BBOX1: variants seen among roughly 807,000 people sequenced by gnomAD.
The protein encoded by BBOX1 is gamma-butyrobetaine hydroxylase 1.
BBOX1 carries 35 observed loss-of-function variants against 41.6 expected under a neutral mutation model. The ratio of observed to expected loss-of-function variants is 0.84; its 90% confidence interval spans 0.64 to 1.11. The LOEUF is 1.11. Ranked by LOEUF, BBOX1 falls within the 50% of genes most tolerant of loss-of-function variation. The pLI is 0.00. For missense variants in BBOX1, 458 were observed against 460.6 expected, an observed-to-expected ratio of 0.99 and a Z score of 0.05; for synonymous variants, 163 against 154.7, an observed-to-expected ratio of 1.05 and a Z score of -0.40.
intron 2 of BBOX1, among the ~76,000 whole-genome samples, chr11:27,054,205 CTGTGTGTG>C (rs57324926): frequency 2.9e-5 from 4 of 139,488 alleles, no homozygotes; most frequent in South Asian, 2.6e-4. Context: ...GTGTGTGTGT[CTGTGTGTG>C]TGTGTGTGTG....
At chr11:27,101,564 C>T (rs1003032624) in intron 5 of BBOX1, among the ~76,000 whole-genome samples, 2 of 152,014 alleles carry the variant, frequency 1.3e-5, no homozygotes, top group African/African-American at 2.4e-5. Context: ...TCCTTTGGAG[C>T]AAATTGCTAT....
intron 4 of BBOX1, among the ~76,000 whole-genome samples, chr11:27,074,024 G>A (rs1002971878): frequency 1.3e-5 from 2 of 151,980 alleles, no homozygotes; most frequent in Admixed American, 6.6e-5. Context: ...TAACAAACCT[G>A]CATGTTGTGC....
chr11:27,044,958 C>A (rs1035462602), intron 2 of BBOX1, among the ~76,000 whole-genome samples: 1 of 152,138 alleles, frequency 6.6e-6, no homozygotes, highest in Non-Finnish European at 1.5e-5. Flanking sequence ...TTTTCCAATT[C>A]TGTGAAGAAA....
Position 27,057,280 on chromosome 11 carries a change from C to A in BBOX1, c.299C>A (p.Ala100Asp). 1 of 1,611,598 alleles carries A rather than the reference C, an allele frequency of 6.2e-7. No homozygotes were observed. Among genetic ancestry groups the A allele is most frequent in the Non-Finnish European group, 8.5e-7 (1 of 1,179,286 alleles). Residue 100 changes from alanine (A) to aspartate (D), a missense_variant, in exon 4 of 9, where the codon GCC (alanine) becomes GAC (aspartate). Coordinates refer to ENST00000263182, the MANE Select transcript of BBOX1 (RefSeq NM_003986.3). ...WLKKRCFSKQ[A>D]RAKLQRELFF... ...AAGAAAAGATGCTTTTCCAAGCAGGCCAGAGCAAAGCTCCAAAGAGAATTG... is the reference window on the plus strand; with the variant it reads ...AAGAAAAGATGCTTTTCCAAGCAGGACAGAGCAAAGCTCCAAAGAGAATTG...
intron 2 of BBOX1, among the ~76,000 whole-genome samples, chr11:27,044,171 G>T (rs986644437): frequency 2.0e-5 from 3 of 152,154 alleles, no homozygotes; most frequent in Non-Finnish European, 4.4e-5. Context: ...TTGTGGTTTT[G>T]ATTTGCATTT....
intron 2 of BBOX1, among the ~76,000 whole-genome samples, chr11:27,050,553 T>C (rs912057819): frequency 6.6e-6 from 1 of 152,124 alleles, no homozygotes; most frequent in African/African-American, 2.4e-5. Flanking sequence ...TTTCAGTGTA[T>C]AGATCTTTTA....
intron 4 of BBOX1, 74 bp from the exon 5 acceptor site, chr11:27,093,094 C>G: frequency 7.3e-7 from 1 of 1,376,036 alleles, no homozygotes. Flanking sequence ...ATGAACTAGC[C>G]CCTTCTCTGA....
chr11:27,045,004 A>C (rs1433087490), intron 2 of BBOX1, among the ~76,000 whole-genome samples: 2 of 152,182 alleles, frequency 1.3e-5, no homozygotes, highest in Non-Finnish European at 2.9e-5. Context: ...CATTGAATCT[A>C]TAAATTACCT....
chr11:27,045,337 A>C (rs2133941473), intron 2 of BBOX1, among the ~76,000 whole-genome samples: 1 of 152,248 alleles, frequency 6.6e-6, no homozygotes, highest in South Asian at 2.1e-4. Flanking sequence ...GGCTGAGAAG[A>C]TGGGGTTTTC....
intron 5 of BBOX1, among the ~76,000 whole-genome samples, chr11:27,096,092 T>C (rs997109013): frequency 3.3e-5 from 5 of 152,014 alleles, no homozygotes; most frequent in African/African-American, 1.2e-4. Flanking sequence ...TGAGAACCTC[T>C]GGCTGAAAGG....
intron 5 of BBOX1, among the ~76,000 whole-genome samples, chr11:27,098,260 C>T (rs895109135): frequency 2.6e-5 from 4 of 151,958 alleles, no homozygotes; most frequent in Admixed American, 6.6e-5. Context: ...TCCTCTGCAG[C>T]GCTACAGTAG....
At chr11:27,104,641 T>C (rs562024225) in intron 5 of BBOX1, among the ~76,000 whole-genome samples, 20 of 152,138 alleles carry the variant, frequency 1.3e-4, no homozygotes, top group Non-Finnish European at 2.6e-4. Flanking sequence ...TAGTTTGTGT[T>C]TGGGGTACTA....
intron 6 of BBOX1, among the ~76,000 whole-genome samples, chr11:27,117,506 T>A (rs1340181538): frequency 2.0e-5 from 3 of 151,972 alleles, no homozygotes; most frequent in Non-Finnish European, 4.4e-5. Context: ...TGGCTCAGAT[T>A]TTTCTAAAAC....
intron 7 of BBOX1, among the ~76,000 whole-genome samples, chr11:27,121,124 GCAAA>G (rs1378345689): frequency 6.6e-6 from 1 of 152,104 alleles, no homozygotes; most frequent in Non-Finnish European, 1.5e-5. Flanking sequence ...TGAGATTTGA[GCAAA>G]CACTTAAACG....
At chr11:27,110,473 T>C (rs973073591) in intron 5 of BBOX1, among the ~76,000 whole-genome samples, 14 of 151,954 alleles carry the variant, frequency 9.2e-5, no homozygotes, top group African/African-American at 2.9e-4. Context: ...GTCCCAACCA[T>C]GCTGACCTTG....
At chr11:27,116,666 G>A (rs143878577) in intron 6 of BBOX1, among the ~76,000 whole-genome samples, 464 of 151,906 alleles carry the variant, frequency 3.1e-3, no homozygotes, top group African/African-American at 0.01. Flanking sequence ...TGCTCCACTC[G>A]GTCTATTCAC....
intron 4 of BBOX1, among the ~76,000 whole-genome samples, chr11:27,076,024 G>C (rs773013210): frequency 6.6e-6 from 1 of 152,200 alleles, no homozygotes; most frequent in Non-Finnish European, 1.5e-5. Context: ...GGGACTCAAG[G>C]CCTGCCATCC....
intron 7 of BBOX1, among the ~76,000 whole-genome samples, chr11:27,121,910 G>C (rs1859479587): frequency 6.6e-6 from 1 of 152,152 alleles, no homozygotes; most frequent in Non-Finnish European, 1.5e-5. Flanking sequence ...TGTGGCTCAT[G>C]ACTTGGCTTT....
chr11:27,093,786 C>T (rs1276329198), intron 5 of BBOX1, among the ~76,000 whole-genome samples: 2 of 151,978 alleles, frequency 1.3e-5, no homozygotes, highest in Non-Finnish European at 2.9e-5. Flanking sequence ...ACTGTGTCCT[C>T]GCATAGCCTT....
Sources: gnomAD v4.1 joint callset for allele counts (sites outside exome capture counted in the v4.1 genomes callset) on GRCh38, gnomAD v4.1.1 for gene constraint, MANE v1.5 for transcripts, NCBI Gene and HGNC (gene_info 2026-07-23, HGNC 2026-07-21) for gene names.